NOL4: variants seen among roughly 807,000 people sequenced by gnomAD.
The protein encoded by NOL4 is cancer/testis antigen 125.
NOL4 carries 17 observed loss-of-function variants against 75.9 expected under a neutral mutation model. The ratio of observed to expected loss-of-function variants is 0.22; its 90% CI spans 0.15 to 0.34. NOL4 has a LOEUF of 0.34. NOL4 is among the 10% of genes least tolerant of loss of function. NOL4 has a pLI of 1.00. For synonymous variants in NOL4, 292 were observed against 289.9 expected, an observed-to-expected ratio of 1.01 and a Z score of -0.07; for missense variants, 614 against 793.5, an observed-to-expected ratio of 0.77 and a Z score of 2.72.
chr18:34,091,657 C>T (rs917308011), intron 5 of NOL4, among the ~76,000 whole-genome samples: 1 of 152,028 alleles, frequency 6.6e-6, no homozygotes, highest in South Asian at 2.1e-4. Context: ...CATAATCAAT[C>T]GAGGCATTTT....
At chr18:34,033,976 T>C (rs183067088) in intron 5 of NOL4, among the ~76,000 whole-genome samples, 1 of 151,958 alleles carries the variant, frequency 6.6e-6, no homozygotes, top group Non-Finnish European at 1.5e-5. Flanking sequence ...GAAATAAAAT[T>C]TTTCCCAGAC....
intron 9 of NOL4, among the ~76,000 whole-genome samples, chr18:33,895,665 A>T (rs1262775604): frequency 6.6e-6 from 1 of 152,128 alleles, no homozygotes; most frequent in Admixed American, 6.6e-5. Flanking sequence ...TAAGAAAAAA[A>T]ATAGCCATCT....
rs756599283 is a variant in NOL4 at position 33,883,220 on chromosome 18, ACACAAT to A, written c.1723+18_1723+23del. ...TTAAAGTATAATAATTAAAAAAAAA[ACACAAT>A]CTATGATAAATACTCACCACTGCTG... is the stretch of plus-strand genomic sequence containing the variant. On this transcript the variant is annotated intron_variant, in intron 10 of 10. Transcript: ENST00000261592. The A allele has an allele frequency of 2.6e-6, 4 of 1,537,376 alleles. No homozygotes were observed. The highest frequency in any genetic ancestry group is 3.5e-6 in the Non-Finnish European group (4 of 1,143,716).
chr18:33,858,772 G>A (rs2062953906), intron 10 of NOL4, among the ~76,000 whole-genome samples: 1 of 151,786 alleles, frequency 6.6e-6, no homozygotes, highest in South Asian at 2.1e-4. Context: ...TTGAAGCCTT[G>A]GTAAAAATTT....
chr18:34,176,082 A>G (rs868589175), intron 1 of NOL4, among the ~76,000 whole-genome samples: 1 of 152,112 alleles, frequency 6.6e-6, no homozygotes, highest in African/African-American at 2.4e-5. Context: ...AAAGAAGAGT[A>G]TAAGAACATT....
intron 6 of NOL4, among the ~76,000 whole-genome samples, chr18:34,002,055 G>A (rs1184344949): frequency 1.3e-5 from 2 of 152,010 alleles, no homozygotes; most frequent in Non-Finnish European, 1.5e-5. Context: ...CAGAAACAAA[G>A]TCAACAAAAT....
At chr18:33,936,212 T>C (rs1224023097) in intron 9 of NOL4, among the ~76,000 whole-genome samples, 1 of 152,142 alleles carries the variant, frequency 6.6e-6, no homozygotes, top group African/African-American at 2.4e-5. Flanking sequence ...TTTCAACCTT[T>C]GCACCTGCAA....
chr18:33,900,827 C>G (rs566801448), intron 9 of NOL4, among the ~76,000 whole-genome samples: 2 of 152,166 alleles, frequency 1.3e-5, no homozygotes, highest in South Asian at 4.1e-4. Flanking sequence ...CATTTACAGG[C>G]CAGTGAGTTT....
At chr18:34,162,630 T>A (rs1199375874) in intron 1 of NOL4, among the ~76,000 whole-genome samples, 2 of 152,154 alleles carry the variant, frequency 1.3e-5, no homozygotes, top group Non-Finnish European at 2.9e-5. Context: ...CAGGACCAGA[T>A]GGATTCACAG....
At chr18:34,174,205 C>T (rs1387103548) in intron 1 of NOL4, among the ~76,000 whole-genome samples, 1 of 152,104 alleles carries the variant, frequency 6.6e-6, no homozygotes, top group Non-Finnish European at 1.5e-5. Flanking sequence ...TAAAATTGTA[C>T]TGTTCAAAGA....
chr18:34,223,234 A>G lies in NOL4; in HGVS notation c.20T>C (p.Met7Thr). The stretch of plus-strand genomic sequence containing the variant: ...GCACCAGTCCTGGAACTGGCGGTAC[A>G]TGTCGCGCTCGCTCTCCATGTTCCC... MESERD[M>T]YRQFQDWCLR... Residue 7 changes from methionine to threonine, a missense_variant, in exon 1 of 11, where the codon ATG (methionine) becomes ACG (threonine). Met to Thr is a moderately conservative substitution (Grantham distance 81). This residue lies in a region of NOL4 where 15 missense variants were observed against 18.2 expected (regional missense o/e 0.83). Coordinates refer to ENST00000261592, the MANE Select transcript of NOL4 (RefSeq NM_003787.5). The G allele has an allele frequency of 1.2e-6, 2 of 1,613,940 alleles. No homozygotes were observed. Among genetic ancestry groups the G allele is most frequent in the Non-Finnish European group, 1.7e-6 (2 of 1,179,994 alleles).
At chr18:34,030,684 T>C (rs374328983) in intron 5 of NOL4, among the ~76,000 whole-genome samples, 115 of 152,256 alleles carry the variant, frequency 7.6e-4, no homozygotes, top group African/African-American at 2.7e-3. Context: ...TAATATATAG[T>C]TTCAAATAAT....
intron 5 of NOL4, among the ~76,000 whole-genome samples, chr18:34,040,110 T>C (rs571923428): frequency 6.6e-6 from 1 of 152,108 alleles, no homozygotes; most frequent in African/African-American, 2.4e-5. Context: ...ACATTGTAAG[T>C]TGAGAAGCAT....
At chr18:33,881,847 C>G (rs1008598115) in intron 10 of NOL4, among the ~76,000 whole-genome samples, 1 of 151,820 alleles carries the variant, frequency 6.6e-6, no homozygotes, top group Non-Finnish European at 1.5e-5. Flanking sequence ...GTACTGGTAC[C>G]AAAACAGAGA....
chr18:34,043,382 T>G (rs2076223819), intron 5 of NOL4, among the ~76,000 whole-genome samples: 1 of 152,030 alleles, frequency 6.6e-6, no homozygotes, highest in Non-Finnish European at 1.5e-5. Context: ...CTTCCTAGAG[T>G]AGGATGAATT....
At chr18:33,993,729 T>G (rs1600181418) in intron 6 of NOL4, among the ~76,000 whole-genome samples, 3 of 151,812 alleles carry the variant, frequency 2.0e-5, no homozygotes, top group Non-Finnish European at 4.4e-5. Context: ...TAAAGGAAGA[T>G]ATGATGAGAA....
chr18:33,937,979 C>G (rs1009386925), intron 9 of NOL4, among the ~76,000 whole-genome samples: 11 of 152,070 alleles, frequency 7.2e-5, no homozygotes, highest in Admixed American at 6.6e-4. Flanking sequence ...GAAAACTGCA[C>G]TGCCAAAACC....
At chr18:34,001,141 T>C (rs1212301116) in intron 6 of NOL4, among the ~76,000 whole-genome samples, 1 of 152,168 alleles carries the variant, frequency 6.6e-6, no homozygotes, top group Admixed American at 6.6e-5. Context: ...ATTCAGTTAT[T>C]CCTAGTAACT....
chr18:34,181,655 G>A (rs2146333454), intron 1 of NOL4, among the ~76,000 whole-genome samples: 1 of 151,460 alleles, frequency 6.6e-6, no homozygotes, highest in South Asian at 2.1e-4. Flanking sequence ...GAAAATATTT[G>A]CTCATTATAT....
Sources: gnomAD v4.1 joint callset for allele counts (sites outside exome capture counted in the v4.1 genomes callset) on GRCh38, gnomAD v4.1.1 for gene constraint, gnomAD v4.1.1 regional missense constraint, MANE v1.5 for transcripts, NCBI Gene and HGNC (gene_info 2026-07-23, HGNC 2026-07-21) for gene names.